SLC10A4: variants seen among roughly 807,000 people sequenced by gnomAD.
The protein encoded by SLC10A4 is solute carrier family 10 member 4.
SLC10A4 carries 17 observed loss-of-function variants against 22.5 expected under a neutral mutation model. That is an observed-to-expected ratio of 0.76 (90% confidence interval 0.52 to 1.14). The LOEUF (loss-of-function observed/expected upper bound fraction) is 1.14. SLC10A4 is among the 50% of genes most tolerant of loss of function. The pLI, the probability that SLC10A4 is intolerant of heterozygous loss-of-function variation, is 0.00. For missense variants in SLC10A4, 548 were observed against 584.0 expected, an observed-to-expected ratio of 0.94 and a Z score of 0.64; for synonymous variants, 257 against 258.2, an observed-to-expected ratio of 1.00 and a Z score of 0.04.
chr4:48,489,102 A>G lies in SLC10A4; in HGVS notation c.*163A>G. On this transcript the variant is annotated 3_prime_UTR_variant, in exon 3 of 3. Coordinates refer to ENST00000273861, the MANE Select transcript of SLC10A4 (RefSeq NM_152679.4). ...ACTGGTGTATTAACCAAACGTTGTC[A>G]CAAATTACAAATCAATGCTGTAATA... 1 of 757,504 alleles carries G rather than the reference A, an allele frequency of 1.3e-6. No homozygotes were observed. The highest frequency in any genetic ancestry group is 2.0e-6 in the Non-Finnish European group (1 of 494,176). 46.9% of individuals were successfully genotyped at this position (757,504 alleles called of 1,614,324 possible).
At chr4:48,485,294 T>C in intron 2 of SLC10A4, 152 bp downstream of exon 2, 1 of 710,700 alleles carries the variant, frequency 1.4e-6, no homozygotes. Context: ...AAGTTTATGC[T>C]ACAAAGATAA....
chr4:48,488,925 C>T lies in SLC10A4; in HGVS notation c.1300C>T (p.Gln434Ter). The change falls in exon 3 of 3, where the codon CAG (glutamine) becomes TAG (stop). Residue 434 changes from glutamine to a stop codon, truncating the protein, a stop_gained. Transcript: ENST00000273861. LOFTEE classifies it high-confidence loss of function. ...AENIIMMETA[Q>*]TSL is the part of the protein sequence containing the mutation. ...AAATATAATAATGATGGAAACCGCT[C>T]AGACTTCTCTCTAAATGTGGAGATA... 6.3e-7 allele frequency: 1 copy of T among 1,592,186 alleles called. No homozygotes were observed. Among genetic ancestry groups the T allele is most frequent in the Middle Eastern group, 2.0e-4 (1 of 4,946 alleles).
chr4:48,483,458 C>A lies in SLC10A4; in HGVS notation c.-104C>A. On this transcript the variant is annotated 5_prime_UTR_variant, in exon 1 of 3. Coordinates refer to ENST00000273861, the MANE Select transcript of SLC10A4 (RefSeq NM_152679.4). This position sits in a 1 kb window ranked among gnomAD's most constrained non-coding sequence, Gnocchi z 5.4. ...GCACGTCAGCGGCGCGCAGCCGGGGCTCGGAGACCGACGGGCAGAACGACG... is the reference window on the plus strand; with the variant it reads ...GCACGTCAGCGGCGCGCAGCCGGGGATCGGAGACCGACGGGCAGAACGACG... The A allele has an allele frequency of 2.1e-6, 2 of 954,104 alleles. No homozygotes were observed. The highest frequency in any genetic ancestry group is 2.9e-6 in the Non-Finnish European group (2 of 697,904). The allele number at this position is 954,104 out of a possible 1,614,324, so 59.1% of individuals were successfully genotyped here.
chr4:48,483,615 C>A lies in SLC10A4; in HGVS notation c.54C>A (p.Asn18Lys). 1 of 1,500,220 alleles carries A rather than the reference C, an allele frequency of 6.7e-7. No individual in the cohort carries two copies. The highest frequency in any genetic ancestry group is 8.9e-7 in the Non-Finnish European group (1 of 1,128,580). The allele number at this position is 1,500,220 out of a possible 1,614,324, so 92.9% of individuals were successfully genotyped here. A position where few individuals can be genotyped will look rare whatever the true frequency, so the allele number is the denominator to read the frequency against. The change falls in exon 1 of 3, where the codon AAC becomes AAA. Residue 18 changes from asparagine to lysine, a missense_variant. Asn to Lys is a moderately conservative substitution (Grantham distance 94). Around this residue, in one of 3 missense-constraint regions of SLC10A4, gnomAD observed 225 missense variants for 206.9 expected, o/e 1.09. Transcript: ENST00000273861. This position sits in a 1 kb window ranked among gnomAD's most constrained non-coding sequence, Gnocchi z 5.4. ...TCTTCGCCCCTCTGCTGCGGGACAA[C>A]TACACCCTGGCGCCCAATGCCAGCA... ...TLLFAPLLRD[N>K]YTLAPNASSL...
intron 2 of SLC10A4, among the ~76,000 whole-genome samples, 170 bp from the exon 3 acceptor site, chr4:48,488,257 T>A (rs547452511): frequency 6.7e-6 from 1 of 149,934 alleles, no homozygotes; most frequent in Non-Finnish European, 1.5e-5. Context: ...CTGCCCAATG[T>A]GGCTCTGGAT....
At chr4:48,488,394 T>C in intron 2 of SLC10A4, 33 bp from the exon 3 acceptor site, 1 of 1,546,552 alleles carries the variant, frequency 6.5e-7, no homozygotes, top group Non-Finnish European at 8.7e-7. Flanking sequence ...TGAGTTCATC[T>C]TCAACCATCT....
Position 48,483,783 on chromosome 4 carries a change from G to A in SLC10A4, c.222G>A (p.Ala74=), listed in dbSNP as rs1328204132. The part of the protein sequence containing the change: ...PTPEPTTSGL[A]GGAASHGPSP... Reference sequence around the variant, plus strand: ...CGGAGCCCACGACCAGCGGCCTCGCGGGCGGCGCGGCGAGCCACGGCCCTT... The same window carrying A: ...CGGAGCCCACGACCAGCGGCCTCGCAGGCGGCGCGGCGAGCCACGGCCCTT... Residue 74 remains alanine, a synonymous_variant, in exon 1 of 3, where the codon GCG becomes GCA. Transcript: ENST00000273861. The surrounding 1 kb of genome is among the most constrained non-coding windows in gnomAD (Gnocchi z 5.4). The A allele has an allele frequency of 6.7e-7, 1 of 1,498,420 alleles. No homozygotes were observed. The highest frequency in any genetic ancestry group is 2.7e-5 in the East Asian group (1 of 37,240). The allele number at this position is 1,498,420 out of a possible 1,614,324, so 92.8% of individuals were successfully genotyped here. A position where few individuals can be genotyped will look rare whatever the true frequency, so the allele number is the denominator to read the frequency against.
Position 48,484,063 on chromosome 4 carries a change from G to C in SLC10A4, c.502G>C (p.Ala168Pro), listed in dbSNP as rs777724620. The part of the protein sequence containing the change: ...ALAFKLDEVA[A>P]VAVLLCGCCP... Reference sequence around the variant, plus strand: ...CGCCTTCAAGCTGGACGAGGTGGCCGCCGTGGCGGTGCTCCTGTGTGGCTG... The same window carrying C: ...CGCCTTCAAGCTGGACGAGGTGGCCCCCGTGGCGGTGCTCCTGTGTGGCTG... The change falls in exon 1 of 3, where the codon GCC (alanine) becomes CCC (proline). Residue 168 changes from alanine to proline, a missense_variant. Transcript: ENST00000273861. 6.2e-7 allele frequency: 1 copy of C among 1,603,792 alleles called. No homozygotes were observed. The highest frequency in any genetic ancestry group is 1.7e-5 in the Admixed American group (1 of 59,868).
At position 48,488,674 on chromosome 4, in the gene SLC10A4, TG is replaced by T; in HGVS notation, c.1051del (p.Ala351ProfsTer7). On this transcript the variant is annotated frameshift_variant, in exon 3 of 3. Coordinates refer to ENST00000273861, the MANE Select transcript of SLC10A4 (RefSeq NM_152679.4). LOFTEE classifies it high-confidence loss of function. ...NVQLCTAILK[L>X]AFPPQFIGSM... is the part of the protein sequence containing the mutation. ...CAGCTCTGTACAGCCATTCTAAAAC[TG>T]GCCTTTCCACCGCAATTCATAGGAA... is the stretch of plus-strand genomic sequence containing the variant. 1.2e-6 allele frequency: 2 copies of T among 1,614,102 alleles called. No individual in the cohort carries two copies. Among genetic ancestry groups the T allele is most frequent in the Non-Finnish European group, 1.7e-6 (2 of 1,180,044 alleles).
At position 48,483,932 on chromosome 4, in the gene SLC10A4, T is replaced by C. The variant is rs1459164282; in HGVS notation, c.371T>C (p.Val124Ala). The change falls in exon 1 of 3, where the codon GTG becomes GCG. Residue 124 changes from valine to alanine, a missense_variant. Around this residue, in one of 3 missense-constraint regions of SLC10A4, gnomAD observed 225 missense variants for 206.9 expected, o/e 1.09. Coordinates refer to ENST00000273861, the MANE Select transcript of SLC10A4 (RefSeq NM_152679.4). The surrounding 1 kb of genome is among the most constrained non-coding windows in gnomAD (Gnocchi z 5.4). ...CITMLGLGCT[V>A]DVNHFGAHVR... ...ACCATGCTGGGCCTGGGCTGCACGG[T>C]GGACGTGAACCACTTCGGGGCGCAC... is the stretch of plus-strand genomic sequence containing the variant. The C allele has an allele frequency of 4.5e-6, 7 of 1,543,346 alleles. No individual in the cohort carries two copies. The highest frequency in any genetic ancestry group is 1.4e-5 in the African/African-American group (1 of 73,118).
chr4:48,484,227 A>G (rs1718238874), intron 1 of SLC10A4, 76 bp downstream of exon 1: 2 of 1,405,212 alleles, frequency 1.4e-6, no homozygotes, highest in Non-Finnish European at 1.9e-6. Context: ...ACGACGAAGG[A>G]CAGAGGCAGT....
chr4:48,485,142 G>C lies in SLC10A4; in HGVS notation c.801G>C (p.Lys267Asn), dbSNP rs778368687. The change falls in exon 2 of 3, where the codon AAG becomes AAC. Residue 267 changes from lysine (K) to asparagine (N), a missense_variant and splice_region_variant. Physicochemically the swap from Lys to Asn is moderately conservative, Grantham distance 94 (BLOSUM62 0). Coordinates refer to ENST00000273861, the MANE Select transcript of SLC10A4 (RefSeq NM_152679.4). The stretch of plus-strand genomic sequence containing the variant: ...GCCGGGTGGCTGACTACATTGTGAA[G>C]GTAAGGCCCCCTCTTCCCTTTCCAT... ...KYSRVADYIV[K>N]VSLWSLLVTL... is the part of the protein sequence containing the mutation. 6.2e-7 allele frequency: 1 copy of C among 1,613,974 alleles called. No individual in the cohort carries two copies. Among genetic ancestry groups the C allele is most frequent in the Non-Finnish European group, 8.5e-7 (1 of 1,179,908 alleles).
Position 48,485,093 on chromosome 4 carries a change from G to GCGTCTTCATTCGCTACAAATACAGC in SLC10A4, c.755_779dup (p.Val261LeufsTer11). 6.2e-7 allele frequency: 1 copy of GCGTCTTCATTCGCTACAAATACAGC among 1,614,110 alleles called. No homozygotes were observed. Among genetic ancestry groups the GCGTCTTCATTCGCTACAAATACAGC allele is most frequent in the Non-Finnish European group, 8.5e-7 (1 of 1,180,034 alleles). On this transcript the variant is annotated frameshift_variant, in exon 2 of 3. Transcript: ENST00000273861. LOFTEE classifies it high-confidence loss of function. ...AGCACTCTCATACCTATCGGGTTGGGCGTCTTCATTCGCTACAAATACAGC... is the reference window on the plus strand; with the variant it reads ...AGCACTCTCATACCTATCGGGTTGGGCGTCTTCATTCGCTACAAATACAGCCGTCTTCATTCGCTACAAATACAGC...
chr4:48,487,827 T>C (rs1396180258), intron 2 of SLC10A4, among the ~76,000 whole-genome samples: 1 of 113,384 alleles, frequency 8.8e-6, no homozygotes, highest in East Asian at 2.7e-4. Context: ...TTTGGTGAAA[T>C]GGAGTGTTGC....
chr4:48,483,554 G>A lies in SLC10A4; in HGVS notation c.-8G>A. 6.7e-7 allele frequency: 1 copy of A among 1,495,884 alleles called. No homozygotes were observed. Among genetic ancestry groups the A allele is most frequent in the East Asian group, 3.0e-5 (1 of 33,896 alleles). 92.7% of individuals were successfully genotyped at this position (1,495,884 alleles called of 1,614,324 possible). A position where few individuals can be genotyped will look rare whatever the true frequency, so the allele number is the denominator to read the frequency against. On this transcript the variant is annotated 5_prime_UTR_variant, in exon 1 of 3. Coordinates refer to ENST00000273861, the MANE Select transcript of SLC10A4 (RefSeq NM_152679.4). This position sits in a 1 kb window ranked among gnomAD's most constrained non-coding sequence, Gnocchi z 5.4. ...GAGGGGACCGGAATCCGCAGCTCCG[G>A]CCGCGCCATGGACGGCAACGACAAC...
At chr4:48,488,372 G>A (rs1328127999) in intron 2 of SLC10A4, 55 bp from the exon 3 acceptor site, 1 of 1,478,104 alleles carries the variant, frequency 6.8e-7, no homozygotes. Flanking sequence ...GTGAGCTTAG[G>A]ATTCTCTCGC....
chr4:48,486,288 A>G (rs1171600253), intron 2 of SLC10A4, among the ~76,000 whole-genome samples: 1 of 152,064 alleles, frequency 6.6e-6, no homozygotes, highest in Non-Finnish European at 1.5e-5. Context: ...GTATATGTGA[A>G]TGTAAAAATG....
In SLC10A4 at chr4:48,488,547, C is replaced by A; in HGVS notation, c.922C>A (p.Pro308Thr). ...TGTTTATGTGATAGCAATTTTTATG[C>A]CTTTGGCAGGCTACGCTTCAGGTTA... ...AAVYVIAIFMPLAGYASGYGL... is the reference protein window; with the variant it reads ...AAVYVIAIFMTLAGYASGYGL... The change falls in exon 3 of 3, where the codon CCT (proline) becomes ACT (threonine). Residue 308 changes from proline to threonine, a missense_variant. Physicochemically the swap from Pro to Thr is conservative, Grantham distance 38. Around this residue, in one of 3 missense-constraint regions of SLC10A4, gnomAD observed 314 missense variants for 353.2 expected, o/e 0.89. Transcript: ENST00000273861. 6.2e-7 allele frequency: 1 copy of A among 1,613,838 alleles called. No individual in the cohort carries two copies. The highest frequency in any genetic ancestry group is 8.5e-7 in the Non-Finnish European group (1 of 1,179,990).
At chr4:48,485,456 C>T (rs1316462904) in intron 2 of SLC10A4, among the ~76,000 whole-genome samples, 2 of 152,100 alleles carry the variant, frequency 1.3e-5, no homozygotes, top group East Asian at 1.9e-4. Context: ...ACATATTTTC[C>T]ACTAATTGTA....
Sources: gnomAD v4.1 joint callset for allele counts (sites outside exome capture counted in the v4.1 genomes callset) on GRCh38, gnomAD v4.1.1 for gene constraint, gnomAD v4.1.1 regional missense constraint, Gnocchi (gnomAD v3.1) non-coding constraint, MANE v1.5 for transcripts, NCBI Gene and HGNC (gene_info 2026-07-23, HGNC 2026-07-21) for gene names.